Variants in AFG1L observed in about 807,000 individuals in gnomAD.
AFG1L encodes the protein AFG1-like ATPase.
AFG1L carries 53 observed loss-of-function variants against 62.2 expected under a neutral mutation model. That is an observed-to-expected ratio of 0.85 (90% confidence interval 0.68 to 1.07). AFG1L has a LOEUF of 1.07. AFG1L is among the 50% of genes least tolerant of loss of function. The pLI is 0.00. For synonymous variants in AFG1L, 228 were observed against 210.3 expected, an observed-to-expected ratio of 1.08 and a Z score of -0.73; for missense variants, 555 against 590.5, an observed-to-expected ratio of 0.94 and a Z score of 0.62.
intron 2 of AFG1L, among the ~76,000 whole-genome samples, chr6:108,338,984 C>T (rs144245771): frequency 7.7e-4 from 117 of 152,048 alleles, no homozygotes; most frequent in Admixed American, 8.5e-4. Flanking sequence ...TTTGTTAATA[C>T]AGTGTCCTCT....
intron 7 of AFG1L, among the ~76,000 whole-genome samples, chr6:108,427,966 G>T (rs1228658307): frequency 1.3e-5 from 2 of 152,292 alleles, no homozygotes; most frequent in Admixed American, 6.5e-5. Flanking sequence ...TTGTATTTCA[G>T]TAGCTTTTGG....
chr6:108,466,752 T>TATATA (rs778780210), intron 8 of AFG1L, among the ~76,000 whole-genome samples: 6 of 137,292 alleles, frequency 4.4e-5, no homozygotes, highest in Non-Finnish European at 7.9e-5. Context: ...TTAAAATATA[T>TATATA]TTGTTAAAAT....
At chr6:108,496,206 A>T (rs560044838) in intron 10 of AFG1L, among the ~76,000 whole-genome samples, 1 of 152,266 alleles carries the variant, frequency 6.6e-6, no homozygotes, top group African/African-American at 2.4e-5. Flanking sequence ...TATACTGTGC[A>T]TGTAATTTAG....
At chr6:108,378,961 C>T (rs1396640460) in intron 6 of AFG1L, among the ~76,000 whole-genome samples, 2 of 150,794 alleles carry the variant, frequency 1.3e-5, no homozygotes, top group African/African-American at 4.9e-5. Flanking sequence ...GCTTGAACAG[C>T]CCTATGCTGC....
chr6:108,522,365 C>T lies in AFG1L; in HGVS notation c.1386C>T (p.Ser462=), dbSNP rs979924852. The change falls in exon 13 of 13, where the codon TCC becomes TCT. Residue 462 remains serine (S), a synonymous_variant. Coordinates refer to ENST00000368977, the MANE Select transcript of AFG1L (RefSeq NM_145315.5). ...TCTTTGCATTTCAGCGCACAATTTC[C>T]CGACTCACGGAAATGCAGACTGAAC... ...EEIFAFQRTI[S]RLTEMQTEQY... 1 of 1,613,962 alleles carries T rather than the reference C, an allele frequency of 6.2e-7. No homozygotes were observed. Among genetic ancestry groups the T allele is most frequent in the East Asian group, 2.2e-5 (1 of 44,866 alleles).
At chr6:108,424,027 CATGT>C (rs1423805543) in intron 7 of AFG1L, among the ~76,000 whole-genome samples, 2 of 151,990 alleles carry the variant, frequency 1.3e-5, no homozygotes, top group African/African-American at 4.8e-5. Context: ...AATATGCATG[CATGT>C]ATGTGTGTGT....
chr6:108,495,036 A>C (rs1773922904), intron 10 of AFG1L, among the ~76,000 whole-genome samples: 1 of 151,894 alleles, frequency 6.6e-6, no homozygotes, highest in South Asian at 2.1e-4. Flanking sequence ...CGGCCTCCCA[A>C]AGTGCTGGGA....
intron 8 of AFG1L, among the ~76,000 whole-genome samples, chr6:108,450,878 A>T (rs1772025417): frequency 6.6e-6 from 1 of 151,522 alleles, no homozygotes; most frequent in Non-Finnish European, 1.5e-5. Flanking sequence ...ATTTCTTAAG[A>T]TCAGATAGTC....
rs1775156048 is a variant in AFG1L at position 108,522,329 on chromosome 6, A to C, written c.1350A>C (p.Gly450=). 6.2e-7 allele frequency: 1 copy of C among 1,613,790 alleles called. No individual in the cohort carries two copies. Among genetic ancestry groups the C allele is most frequent in the Admixed American group, 1.7e-5 (1 of 60,010 alleles). Residue 450 remains glycine, a synonymous_variant, in exon 13 of 13, where the codon GGA becomes GGC. Transcript: ENST00000368977. ...CAGAAGGACTCTCCATGTTTACCGG[A>C]GAAGAGGAAATCTTTGCATTTCAGC... ...DSAEGLSMFT[G]EEEIFAFQRT... is the part of the protein sequence containing the mutation.
intron 6 of AFG1L, among the ~76,000 whole-genome samples, chr6:108,389,540 G>A (rs1780950326): frequency 6.6e-6 from 1 of 152,102 alleles, no homozygotes; most frequent in African/African-American, 2.4e-5. Context: ...CATGTTTAGT[G>A]CTTCCTTCAG....
intron 8 of AFG1L, among the ~76,000 whole-genome samples, chr6:108,472,043 A>G (rs1016975906): frequency 6.6e-6 from 1 of 152,224 alleles, no homozygotes; most frequent in Non-Finnish European, 1.5e-5. Context: ...TTGCAACAAC[A>G]TGGATAAAAC....
At chr6:108,437,955 G>C (rs910342766) in intron 7 of AFG1L, among the ~76,000 whole-genome samples, 5 of 152,134 alleles carry the variant, frequency 3.3e-5, no homozygotes, top group Non-Finnish European at 7.3e-5. Flanking sequence ...CTTTTTGGAT[G>C]CACTGTGAAT....
chr6:108,437,147 A>G (rs1235336805), intron 7 of AFG1L, among the ~76,000 whole-genome samples: 1 of 152,162 alleles, frequency 6.6e-6, no homozygotes, highest in Non-Finnish European at 1.5e-5. Context: ...CTACCTCCTA[A>G]TATCACACTG....
chr6:108,437,177 T>G (rs998339471), intron 7 of AFG1L, among the ~76,000 whole-genome samples: 1 of 152,156 alleles, frequency 6.6e-6, no homozygotes, highest in African/African-American at 2.4e-5. Context: ...TTTCAACATA[T>G]GAATTCTGGG....
At chr6:108,395,405 T>TTC (rs916962230) in intron 6 of AFG1L, among the ~76,000 whole-genome samples, 4 of 144,118 alleles carry the variant, frequency 2.8e-5, no homozygotes, top group African/African-American at 1.0e-4. Flanking sequence ...TTTCTTTTCT[T>TTC]TTTTTTTTTT....
At chr6:108,464,527 G>A (rs1334052214) in intron 8 of AFG1L, among the ~76,000 whole-genome samples, 1 of 152,090 alleles carries the variant, frequency 6.6e-6, no homozygotes, top group African/African-American at 2.4e-5. Context: ...TGTAGGAGTC[G>A]ATGCCAAATT....
intron 7 of AFG1L, among the ~76,000 whole-genome samples, chr6:108,419,516 C>G (rs568298067): frequency 6.6e-6 from 1 of 152,122 alleles, no homozygotes; most frequent in East Asian, 1.9e-4. Context: ...ATGAATTTTC[C>G]TTTTCCTAAT....
At chr6:108,314,436 G>A (rs1373513328) in intron 1 of AFG1L, among the ~76,000 whole-genome samples, 1 of 143,206 alleles carries the variant, frequency 7.0e-6, no homozygotes, top group Non-Finnish European at 1.5e-5. Context: ...TCGCTCTGTC[G>A]CCCAGGCTGG....
chr6:108,410,062 T>C (rs977466702), intron 7 of AFG1L, among the ~76,000 whole-genome samples: 1 of 152,094 alleles, frequency 6.6e-6, no homozygotes, highest in Non-Finnish European at 1.5e-5. Context: ...TCCTAGCACT[T>C]TGGGAGGCCG....
Sources: gnomAD v4.1 joint callset for allele counts (sites outside exome capture counted in the v4.1 genomes callset) on GRCh38, gnomAD v4.1.1 for gene constraint, MANE v1.5 for transcripts, NCBI Gene and HGNC (gene_info 2026-07-23, HGNC 2026-07-21) for gene names.